RBMS3: variants seen among roughly 807,000 people sequenced by gnomAD.
RBMS3 encodes RNA-binding motif, single-stranded-interacting protein 3.
A neutral mutation model predicts 66.8 loss-of-function variants in RBMS3; 27 were observed. The observed-to-expected ratio is 0.40, with a 90% CI of 0.30 to 0.56. The LOEUF (loss-of-function observed/expected upper bound fraction) is 0.56, where lower values mean the gene tolerates loss of function less well. Among genes scored for constraint, RBMS3 ranks in the 20% least tolerant of loss-of-function variants. The pLI is 0.40. For synonymous variants in RBMS3, 188 were observed against 183.0 expected, an observed-to-expected ratio of 1.03 and a Z score of -0.22; for missense variants, 513 against 549.5, an observed-to-expected ratio of 0.93 and a Z score of 0.66.
chr3:29,694,541 C>A (rs77794996), intron 4 of RBMS3, among the ~76,000 whole-genome samples: 3,130 of 152,276 alleles, frequency 0.021, 111 homozygotes, highest in African/African-American at 0.07. Flanking sequence ...TTGGGATTCA[C>A]TGTTAGCAAA....
At chr3:29,481,120 G>A (rs1049098830) in intron 2 of RBMS3, among the ~76,000 whole-genome samples, 3 of 152,186 alleles carry the variant, frequency 2.0e-5, no homozygotes, top group African/African-American at 7.2e-5. Flanking sequence ...GTTAGACATA[G>A]TGCCTCCCTC....
chr3:30,007,570 T>C lies in RBMS3; in HGVS notation c.*3708T>C, dbSNP rs1349096955. ...TATGGTATTGTCAAGGGAGGCAAAGTGTTCATGGTAACTTGGAGCTCCCCA... is the reference window on the plus strand; with the variant it reads ...TATGGTATTGTCAAGGGAGGCAAAGCGTTCATGGTAACTTGGAGCTCCCCA... On this transcript the variant is annotated 3_prime_UTR_variant, in exon 15 of 15. Coordinates refer to ENST00000383767, the MANE Select transcript of RBMS3 (RefSeq NM_001003793.3). 1 of 152,070 alleles carries C rather than the reference T, an allele frequency of 6.6e-6. No individual in the cohort carries two copies. The highest frequency in any genetic ancestry group is 1.9e-4 in the East Asian group (1 of 5,184). 9.4% of individuals were successfully genotyped at this position (152,070 alleles called of 1,614,324 possible). A position where few individuals can be genotyped will look rare whatever the true frequency, so the allele number is the denominator to read the frequency against.
intron 4 of RBMS3, among the ~76,000 whole-genome samples, chr3:29,702,924 G>A (rs924700559): frequency 5.3e-5 from 8 of 152,122 alleles, no homozygotes; most frequent in African/African-American, 1.4e-4. Flanking sequence ...CACCAATTCC[G>A]GACACAATAG....
chr3:29,843,865 C>G (rs539592221), intron 6 of RBMS3, among the ~76,000 whole-genome samples: 24 of 152,084 alleles, frequency 1.6e-4, no homozygotes, highest in Non-Finnish European at 2.6e-4. Flanking sequence ...ACAAGAATCA[C>G]TTGAACCGGG....
intron 5 of RBMS3, among the ~76,000 whole-genome samples, chr3:29,740,770 G>C (rs1203759116): frequency 6.6e-6 from 1 of 152,164 alleles, no homozygotes; most frequent in East Asian, 1.9e-4. Flanking sequence ...GGCCAGGCAG[G>C]GTGGCTGACG....
chr3:29,574,252 C>T (rs752778721), intron 3 of RBMS3, among the ~76,000 whole-genome samples: 1 of 152,058 alleles, frequency 6.6e-6, no homozygotes, highest in Non-Finnish European at 1.5e-5. Flanking sequence ...GTGTTGGGTG[C>T]ACATATATTT....
At chr3:29,700,966 A>AATC (rs1459813061) in intron 4 of RBMS3, among the ~76,000 whole-genome samples, 1 of 152,146 alleles carries the variant, frequency 6.6e-6, no homozygotes, top group Non-Finnish European at 1.5e-5. Flanking sequence ...CCTGGACTTG[A>AATC]AGGGCTTTGT....
intron 5 of RBMS3, among the ~76,000 whole-genome samples, chr3:29,747,390 G>GTAGA (rs56736478): frequency 0.031 from 4,337 of 141,198 alleles, 62 homozygotes; most frequent in East Asian, 0.041. Flanking sequence ...AGGTAGGTAG[G>GTAGA]TAGATAGATA....
intron 1 of RBMS3, among the ~76,000 whole-genome samples, chr3:29,414,948 C>T (rs562476919): frequency 1.3e-5 from 2 of 152,166 alleles, no homozygotes; most frequent in East Asian, 1.9e-4. Flanking sequence ...TGAGATTCAC[C>T]GGCACATTGA....
chr3:29,691,479 G>A (rs150745685), intron 4 of RBMS3, among the ~76,000 whole-genome samples: 12 of 152,192 alleles, frequency 7.9e-5, no homozygotes, highest in Middle Eastern at 3.4e-3. Context: ...TGACTTGTTC[G>A]TGGGTTTCTG....
chr3:29,433,114 G>GT (rs11335040), intron 1 of RBMS3, among the ~76,000 whole-genome samples: 1,922 of 147,734 alleles, frequency 0.013, 34 homozygotes, highest in African/African-American at 0.042. Context: ...GTTTCTTGAG[G>GT]TTTTTTTTTT....
At chr3:29,757,996 T>C (rs2055500990) in intron 5 of RBMS3, among the ~76,000 whole-genome samples, 1 of 152,226 alleles carries the variant, frequency 6.6e-6, no homozygotes, top group Admixed American at 6.5e-5. Context: ...GGAGTAGTAC[T>C]GGCCAGGTAT....
intron 2 of RBMS3, among the ~76,000 whole-genome samples, chr3:29,443,749 T>C (rs2041714027): frequency 6.6e-6 from 1 of 152,122 alleles, no homozygotes; most frequent in Non-Finnish European, 1.5e-5. Context: ...TGGTGATGGC[T>C]TGGAATAAGA....
At chr3:29,333,135 T>C (rs1266823127) in intron 1 of RBMS3, among the ~76,000 whole-genome samples, 2 of 152,190 alleles carry the variant, frequency 1.3e-5, no homozygotes, top group African/African-American at 4.8e-5. Flanking sequence ...AATCTGTATG[T>C]ATAGTAATAT....
chr3:29,285,127 T>A (rs1246651222), intron 1 of RBMS3, among the ~76,000 whole-genome samples: 3 of 150,904 alleles, frequency 2.0e-5, no homozygotes, highest in Non-Finnish European at 3.0e-5. Context: ...AATCCAACAT[T>A]TTTTAAGTAT....
intron 14 of RBMS3, among the ~76,000 whole-genome samples, chr3:29,998,499 T>C (rs1699401477): frequency 1.3e-5 from 2 of 152,210 alleles, no homozygotes; most frequent in African/African-American, 4.8e-5. Flanking sequence ...GGCATCACGC[T>C]ACCTGACTTC....
intron 4 of RBMS3, among the ~76,000 whole-genome samples, chr3:29,717,483 T>C (rs1022994669): frequency 1.3e-5 from 2 of 152,098 alleles, no homozygotes; most frequent in African/African-American, 4.8e-5. Context: ...AAAATATGAA[T>C]TGTAAACTGC....
At chr3:29,302,311 C>A (rs2125448154) in intron 1 of RBMS3, among the ~76,000 whole-genome samples, 1 of 152,134 alleles carries the variant, frequency 6.6e-6, no homozygotes, top group Non-Finnish European at 1.5e-5. Context: ...AGTGCCTGAC[C>A]TGTTGAAATT....
At chr3:29,653,146 C>T (rs759541039) in intron 4 of RBMS3, among the ~76,000 whole-genome samples, 11 of 152,006 alleles carry the variant, frequency 7.2e-5, no homozygotes, top group Non-Finnish European at 1.3e-4. Flanking sequence ...GTGGTGGTGG[C>T]GCCATGGTGG....
Sources: allele counts gnomAD v4.1 joint callset (sites outside exome capture counted in the v4.1 genomes callset), GRCh38; gene constraint gnomAD v4.1.1; transcripts MANE v1.5; gene names NCBI Gene and HGNC (gene_info 2026-07-23, HGNC 2026-07-21).